The following AFAP1L2 variants were observed in gnomAD, a reference collection of about 807,000 sequenced individuals.
The protein encoded by AFAP1L2 is actin filament-associated protein 1-like 2.
A neutral mutation model predicts 99.3 loss-of-function variants in AFAP1L2; 46 were observed. The ratio of observed to expected loss-of-function variants is 0.46; its 90% CI spans 0.37 to 0.59. The LOEUF (loss-of-function observed/expected upper bound fraction) is 0.59, where lower values mean the gene tolerates loss of function less well. Ranked by LOEUF, AFAP1L2 falls within the 20% of genes least tolerant of loss-of-function variation. The pLI is 0.00. For synonymous variants in AFAP1L2, 397 were observed against 419.1 expected (o/e 0.95, Z 0.64); for missense variants, 959 against 1,034.9 (o/e 0.93, Z 1.01).
At chr10:114,318,847 C>G (rs1369167406) in intron 5 of AFAP1L2, among the ~76,000 whole-genome samples, 1 of 151,490 alleles carries the variant, frequency 6.6e-6, no homozygotes, top group Non-Finnish European at 1.5e-5. Flanking sequence ...GGGATCACAG[C>G]ACACCACAAA....
intron 18 of AFAP1L2, chr10:114,296,445 ACAAATGAG>A: frequency 4.0e-6 from 1 of 253,134 alleles, no homozygotes; most frequent in Non-Finnish European, 7.6e-6. Flanking sequence ...TCTTTAGTGT[ACAAATGAG>A]TAAATGAGTA....
chr10:114,285,419 C>G, the AFAP1L2 span, among the ~76,000 whole-genome samples: 19 of 152,342 alleles, frequency 1.2e-4, no homozygotes, highest in Admixed American at 4.6e-4. Flanking sequence ...TAAGATTATG[C>G]AAAGTGCTTA....
chr10:114,326,716 T>C (rs1001114388), intron 4 of AFAP1L2, among the ~76,000 whole-genome samples: 2 of 152,208 alleles, frequency 1.3e-5, no homozygotes, highest in African/African-American at 4.8e-5. Flanking sequence ...ACATCCTTGC[T>C]ATGTGACTCC....
At chr10:114,334,488 G>A (rs1470236400) in intron 2 of AFAP1L2, among the ~76,000 whole-genome samples, 1 of 152,204 alleles carries the variant, frequency 6.6e-6, no homozygotes, top group Non-Finnish European at 1.5e-5. Context: ...TCACTCTGTT[G>A]CACGACCACA....
At chr10:114,323,380 A>T (rs2045698536) in intron 4 of AFAP1L2, 119 bp from the exon 5 acceptor site, 1 of 807,360 alleles carries the variant, frequency 1.2e-6, no homozygotes, top group South Asian at 1.7e-5. Context: ...TTTAAACTTT[A>T]AGCAAGTTGG....
chr10:114,300,813 C>T lies in AFAP1L2; in HGVS notation c.1543-123G>A, dbSNP rs1182314410. 3.7e-6 allele frequency: 5 copies of T among 1,358,876 alleles called. No homozygotes were observed. The African/African-American group carries it at 4.4e-5, about 12-fold the overall frequency. 84.2% of individuals were successfully genotyped at this position (1,358,876 alleles called of 1,614,324 possible). A position where few individuals can be genotyped will look rare whatever the true frequency, so the allele number is the denominator to read the frequency against. ...CACAGTGTTCCAAGAGATCTCCCTC[C>T]CTGCTGGGGGGGCCACTGGCTGAGT... is the stretch of plus-strand genomic sequence containing the variant. On this transcript the variant is annotated intron_variant, in intron 13 of 18. Coordinates refer to ENST00000304129, the MANE Select transcript of AFAP1L2 (RefSeq NM_001001936.3).
chr10:114,353,273 T>C (rs1033853957), intron 1 of AFAP1L2, among the ~76,000 whole-genome samples: 3 of 152,228 alleles, frequency 2.0e-5, no homozygotes, highest in South Asian at 2.1e-4. Flanking sequence ...AAACGGGGCC[T>C]GGAGATTCCT....
At chr10:114,290,441 T>G, downstream of AFAP1L2, 3 of 1,528,152 alleles carry the variant, frequency 2.0e-6, no homozygotes, top group East Asian at 2.5e-5. Flanking sequence ...CAAACTCAGC[T>G]GAAGGCAGGT....
chr10:114,331,973 C>T (rs1019638020), intron 3 of AFAP1L2, 76 bp from the exon 4 acceptor site: 14 of 933,074 alleles, frequency 1.5e-5, no homozygotes, highest in Middle Eastern at 3.8e-4. Context: ...CAGGAATGCC[C>T]GGTCACATGC....
At chr10:114,347,262 T>C (rs995277704) in intron 1 of AFAP1L2, among the ~76,000 whole-genome samples, 6 of 152,082 alleles carry the variant, frequency 3.9e-5, no homozygotes, top group African/African-American at 7.2e-5. Context: ...GGGTGGAAAA[T>C]GTCGAAGATC....
chr10:114,344,493 T>G (rs1190393177), intron 1 of AFAP1L2, among the ~76,000 whole-genome samples: 1 of 152,224 alleles, frequency 6.6e-6, no homozygotes, highest in Non-Finnish European at 1.5e-5. Context: ...TCCTTGGCTA[T>G]TCCCAAAAGC....
At chr10:114,359,304 CTT>C (rs1476244749) in intron 1 of AFAP1L2, among the ~76,000 whole-genome samples, 3 of 152,212 alleles carry the variant, frequency 2.0e-5, no homozygotes, top group African/African-American at 7.2e-5. Context: ...TTTAAAATGA[CTT>C]TTGGTATTCA....
At chr10:114,360,115 A>T (rs2052030056) in intron 1 of AFAP1L2, among the ~76,000 whole-genome samples, 1 of 149,778 alleles carries the variant, frequency 6.7e-6, no homozygotes, top group African/African-American at 2.6e-5. Context: ...CAGTAGACTG[A>T]GGAAAGCAGA....
In AFAP1L2 at chr10:114,302,434, C is replaced by A. The variant is rs1240408305; in HGVS notation, c.1335G>T (p.Glu445Asp). ...CTTCTGGGTCTGTCTTGGAGCCTGA[C>A]TCAGAGAGCAGGAGACCCAGCCAGT... ...MGHWLGLLLS[E>D]SGSKTDPEEF... The change falls in exon 12 of 19, where the codon GAG becomes GAT. Residue 445 changes from glutamate (E) to aspartate (D), a missense_variant. Transcript: ENST00000304129. 7 of 1,614,056 alleles carry A rather than the reference C, an allele frequency of 4.3e-6. No individual in the cohort carries two copies. In the African/African-American group the frequency reaches 8.0e-5, roughly 18 times the overall value.
intron 2 of AFAP1L2, among the ~76,000 whole-genome samples, chr10:114,340,110 T>C (rs889424361): frequency 6.8e-6 from 1 of 147,060 alleles, no homozygotes; most frequent in African/African-American, 2.5e-5. Flanking sequence ...GCAGGGCGGA[T>C]AGCTTGAGCC....
At chr10:114,302,507 A>C (rs375526848) in intron 11 of AFAP1L2, 23 bp from the exon 12 acceptor site, 53 of 1,613,306 alleles carry the variant, frequency 3.3e-5, no homozygotes, top group Non-Finnish European at 4.3e-5. Context: ...CAAGAGAGAC[A>C]TAAGCAGGGC....
At chr10:114,359,660 C>T (rs2136462363) in intron 1 of AFAP1L2, among the ~76,000 whole-genome samples, 1 of 152,356 alleles carries the variant, frequency 6.6e-6, no homozygotes, top group African/African-American at 2.4e-5. Context: ...AGGCTTCAAA[C>T]AAGTGATCTG....
the AFAP1L2 span, chr10:114,286,537 A>T: frequency 6.6e-7 from 1 of 1,515,008 alleles, no homozygotes; most frequent in Admixed American, 2.0e-5. Flanking sequence ...CTGACCCAGG[A>T]CCGCTGGTCA....
At chr10:114,360,575 A>C (rs1273080069) in intron 1 of AFAP1L2, among the ~76,000 whole-genome samples, 1 of 151,276 alleles carries the variant, frequency 6.6e-6, no homozygotes, top group African/African-American at 2.4e-5. Context: ...ACGGACAGAC[A>C]GATAGACAGA....
Sources: allele counts gnomAD v4.1 joint callset (sites outside exome capture counted in the v4.1 genomes callset), GRCh38; gene constraint gnomAD v4.1.1; transcripts MANE v1.5; gene names NCBI Gene and HGNC (gene_info 2026-07-23, HGNC 2026-07-21).